Variants in KIF13A observed in about 807,000 individuals in gnomAD.
KIF13A encodes the protein kinesin family member 13A.
In KIF13A, 79 loss-of-function variants were observed where a neutral mutation model predicts 212.2. The ratio of observed to expected loss-of-function variants is 0.37; its 90% CI spans 0.31 to 0.45. The LOEUF is 0.45. Ranked by LOEUF, KIF13A falls within the 20% of genes least tolerant of loss-of-function variation. KIF13A has a pLI of 1.00. For missense variants in KIF13A, 1,901 were observed against 2,209.0 expected (o/e 0.86, Z 2.79); for synonymous variants, 789 against 808.6 (o/e 0.98, Z 0.41).
chr6:17,903,307 C>A (rs1208419248), intron 2 of KIF13A, among the ~76,000 whole-genome samples: 1 of 152,162 alleles, frequency 6.6e-6, no homozygotes, highest in African/African-American at 2.4e-5. Flanking sequence ...ATTCCCCAAA[C>A]TTATTTGATA....
At chr6:17,812,834 G>C (rs771057081) in intron 17 of KIF13A, among the ~76,000 whole-genome samples, 68 of 152,246 alleles carry the variant, frequency 4.5e-4, no homozygotes, top group Non-Finnish European at 1.9e-4. Context: ...AACTTTGCCA[G>C]AATCTGTTAT....
intron 2 of KIF13A, among the ~76,000 whole-genome samples, chr6:17,913,247 G>A (rs962617940): frequency 6.6e-6 from 1 of 152,100 alleles, no homozygotes; most frequent in Non-Finnish European, 1.5e-5. Context: ...GAATGTAGCT[G>A]TTCCCAGGAC....
At chr6:17,870,772 T>A (rs903727161) in intron 4 of KIF13A, among the ~76,000 whole-genome samples, 4 of 150,162 alleles carry the variant, frequency 2.7e-5, no homozygotes, top group African/African-American at 5.0e-5. Flanking sequence ...TGCAGCTGGG[T>A]TCCCCCCCGC....
intron 4 of KIF13A, among the ~76,000 whole-genome samples, chr6:17,864,614 C>T (rs1359920446): frequency 6.6e-6 from 1 of 152,178 alleles, no homozygotes; most frequent in Non-Finnish European, 1.5e-5. Flanking sequence ...TTTCAGCCTC[C>T]TGAGTAGCTA....
rs1779394293 is a variant in KIF13A at position 17,967,094 on chromosome 6, T to C, written c.146+19960A>G. Reference sequence around the variant, plus strand: ...ATGCACTTTCTCAGGGGAAAAGTAATCCGAGGAGATAAAAACTTTGGTGAA... The same window carrying C: ...ATGCACTTTCTCAGGGGAAAAGTAACCCGAGGAGATAAAAACTTTGGTGAA... On this transcript the variant is annotated intron_variant, in intron 2 of 38. Transcript: ENST00000259711. The surrounding 1 kb of genome is among the most constrained non-coding windows in gnomAD (Gnocchi z 4.1). Among the ~76,000 whole-genome samples the C allele has an allele frequency of 6.6e-6, 1 of 152,190 alleles. No homozygotes were observed. The highest frequency in any genetic ancestry group is 2.4e-5 in the African/African-American group (1 of 41,442).
chr6:17,781,339 A>G, intron 29 of KIF13A, 38 bp from the exon 30 acceptor site: 1 of 1,517,402 alleles, frequency 6.6e-7, no homozygotes, highest in Non-Finnish European at 8.8e-7. Flanking sequence ...CAGTAGGGGA[A>G]AGTCAGTTTT....
Position 17,777,152 on chromosome 6 carries a change from G to A in KIF13A, c.4170+125C>T, listed in dbSNP as rs546096181. 42 of 728,150 alleles carry A rather than the reference G, an allele frequency of 5.8e-5. No individual in the cohort carries two copies. The African/African-American group carries it at 7.0e-4, about 12-fold the overall frequency. The allele number at this position is 728,150 out of a possible 1,614,324, so 45.1% of individuals were successfully genotyped here. A position where few individuals can be genotyped will look rare whatever the true frequency, so the allele number is the denominator to read the frequency against. ...GTGTGTCCCTGGTACAGAGAAGCAG[G>A]CTACACTTTGGGATGCCCACACCAG... On this transcript the variant is annotated intron_variant, in intron 34 of 38. Coordinates refer to ENST00000259711, the MANE Select transcript of KIF13A (RefSeq NM_022113.6). The surrounding 1 kb of genome is among the most constrained non-coding windows in gnomAD (Gnocchi z 4.4).
In KIF13A at chr6:17,873,444, G is replaced by T. The variant is rs939020814; in HGVS notation, c.160-7C>A. The T allele has an allele frequency of 7.7e-6, 12 of 1,556,380 alleles. No individual in the cohort carries two copies. The highest frequency in any genetic ancestry group is 8.7e-7 in the Non-Finnish European group (1 of 1,143,264). On this transcript the variant is annotated splice_polypyrimidine_tract_variant and splice_region_variant and intron_variant, in intron 3 of 38. Coordinates refer to ENST00000259711, the MANE Select transcript of KIF13A (RefSeq NM_022113.6). ...AATAATCAAAGGCAAATACCTGAAT[G>T]AAAGAACAAAATATTAAACTTAAAG...
In KIF13A at chr6:17,951,210, A is replaced by T. The variant is rs971999050; in HGVS notation, c.146+35844T>A. On this transcript the variant is annotated intron_variant, in intron 2 of 38. Coordinates refer to ENST00000259711, the MANE Select transcript of KIF13A (RefSeq NM_022113.6). This position sits in a 1 kb window ranked among gnomAD's most constrained non-coding sequence, Gnocchi z 4.9. ...GGCTCTGTCACCCAGGCTGGCGTGC[A>T]GTGGCTCAAACAGCTCACTGGAGCC... 8.9e-7 allele frequency: 1 copy of T among 1,119,478 alleles called. No homozygotes were observed. The highest frequency in any genetic ancestry group is 1.6e-5 in the African/African-American group (1 of 61,802). 69.3% of individuals were successfully genotyped at this position (1,119,478 alleles called of 1,614,324 possible).
Position 17,900,344 on chromosome 6 carries a change from C to T in KIF13A, c.147-2164G>A, listed in dbSNP as rs1418759582. ...GCTGTCAATAACAAAATTATCCTTTCTTCATTGACATTCCAAGAAGGTTTT... is the reference window on the plus strand; with the variant it reads ...GCTGTCAATAACAAAATTATCCTTTTTTCATTGACATTCCAAGAAGGTTTT... On this transcript the variant is annotated intron_variant, in intron 2 of 38. Coordinates refer to ENST00000259711, the MANE Select transcript of KIF13A (RefSeq NM_022113.6). The surrounding 1 kb of genome is among the most constrained non-coding windows in gnomAD (Gnocchi z 4.6). Among the ~76,000 whole-genome samples, 1 of 152,194 alleles carries T rather than the reference C, an allele frequency of 6.6e-6. No homozygotes were observed. Among genetic ancestry groups the T allele is most frequent in the Admixed American group, 6.5e-5 (1 of 15,278 alleles).
chr6:17,954,116 G>A (rs1246072526), intron 2 of KIF13A, among the ~76,000 whole-genome samples: 3 of 151,940 alleles, frequency 2.0e-5, no homozygotes, highest in African/African-American at 4.8e-5. Flanking sequence ...TGGCTATCAC[G>A]GTGAAACCCT....
chr6:17,804,009 C>T (rs1319589346), intron 20 of KIF13A, among the ~76,000 whole-genome samples: 3 of 152,094 alleles, frequency 2.0e-5, no homozygotes, highest in South Asian at 2.1e-4. Context: ...AAAATTAGCC[C>T]GATATGGTGG....
intron 17 of KIF13A, among the ~76,000 whole-genome samples, chr6:17,814,108 A>T (rs892584944): frequency 6.6e-6 from 1 of 150,560 alleles, no homozygotes; most frequent in Non-Finnish European, 1.5e-5. Flanking sequence ...GCCCGCCACC[A>T]CGCCCGGCTA....
chr6:17,982,900 G>A lies in KIF13A; in HGVS notation c.146+4154C>T, dbSNP rs1781212630. ...AAGATACCAAAGGGGGCCAGGCGTGGTGGCTCACGCCTGTAATCCCAGCAC... is the reference window on the plus strand; with the variant it reads ...AAGATACCAAAGGGGGCCAGGCGTGATGGCTCACGCCTGTAATCCCAGCAC... On this transcript the variant is annotated intron_variant, in intron 2 of 38. Transcript: ENST00000259711. This position sits in a 1 kb window ranked among gnomAD's most constrained non-coding sequence, Gnocchi z 5.1. 6.6e-6 allele frequency among the ~76,000 whole-genome samples: 1 copy of A among 152,184 alleles called. No individual in the cohort carries two copies. Among genetic ancestry groups the A allele is most frequent in the Non-Finnish European group, 1.5e-5 (1 of 68,020 alleles).
chr6:17,806,458 C>T (rs1762956925), intron 18 of KIF13A, among the ~76,000 whole-genome samples: 1 of 152,186 alleles, frequency 6.6e-6, no homozygotes, highest in East Asian at 1.9e-4. Flanking sequence ...GACTAAAACC[C>T]AGTAAGACTG....
chr6:17,759,586 CA>C (rs1478177887), downstream of KIF13A: 1 of 152,134 alleles, frequency 6.6e-6, no homozygotes, highest in Non-Finnish European at 1.5e-5. Context: ...AGAATAGGTA[CA>C]GAAAGGAATT....
At position 17,951,249 on chromosome 6, in the gene KIF13A, T is replaced by C. The variant is rs1489108912; in HGVS notation, c.146+35805A>G. The C allele has an allele frequency of 1.3e-5, 9 of 709,458 alleles. No homozygotes were observed. The Admixed American group carries it at 2.3e-4, about 18-fold the overall frequency. The allele number at this position is 709,458 out of a possible 1,614,324, so 43.9% of individuals were successfully genotyped here. A position where few individuals can be genotyped will look rare whatever the true frequency, so the allele number is the denominator to read the frequency against. ...CTCACTGGAGCCTCCTGCCTCAGTC[T>C]CCTGAGTAGCTGGGACCACAGGTAT... On this transcript the variant is annotated intron_variant, in intron 2 of 38. Transcript: ENST00000259711. This position sits in a 1 kb window ranked among gnomAD's most constrained non-coding sequence, Gnocchi z 4.9.
At chr6:17,792,606 C>T (rs1020976049) in intron 25 of KIF13A, among the ~76,000 whole-genome samples, 3 of 152,140 alleles carry the variant, frequency 2.0e-5, no homozygotes, top group African/African-American at 7.2e-5. Context: ...TTTCCTGCTC[C>T]ACGGGCTGCA....
intron 2 of KIF13A, among the ~76,000 whole-genome samples, chr6:17,924,436 C>T (rs1011577604): frequency 6.6e-6 from 1 of 152,136 alleles, no homozygotes; most frequent in Non-Finnish European, 1.5e-5. Context: ...TGTTTGATGT[C>T]CCTTTTTTTC....
Sources: allele counts gnomAD v4.1 joint callset (sites outside exome capture counted in the v4.1 genomes callset), GRCh38; gene constraint gnomAD v4.1.1; non-coding constraint Gnocchi (gnomAD v3.1); transcripts MANE v1.5; gene names NCBI Gene and HGNC (gene_info 2026-07-23, HGNC 2026-07-21).